Variants in TMEM117 observed in about 807,000 individuals in gnomAD.
TMEM117 encodes the protein transmembrane protein 117.
In TMEM117, 27 loss-of-function variants were observed where a neutral mutation model predicts 52.4. The ratio of observed to expected loss-of-function variants is 0.51; its 90% CI spans 0.38 to 0.71. The LOEUF (loss-of-function observed/expected upper bound fraction) is 0.71, where lower values mean the gene tolerates loss of function less well. Among genes scored for constraint, TMEM117 ranks in the 30% least tolerant of loss-of-function variants. The pLI, the probability that TMEM117 is intolerant of heterozygous loss-of-function variation, is 0.00. For synonymous variants in TMEM117, 215 were observed against 206.3 expected, an observed-to-expected ratio of 1.04 and a Z score of -0.36; for missense variants, 556 against 630.5, an observed-to-expected ratio of 0.88 and a Z score of 1.26.
chr12:44,160,281 GTA>G (rs200360526), intron 4 of TMEM117, among the ~76,000 whole-genome samples: 2 of 151,404 alleles, frequency 1.3e-5, no homozygotes, highest in South Asian at 2.1e-4. Flanking sequence ...ATACACATAT[GTA>G]TATATATATA....
At chr12:44,029,561 G>A (rs1404354664) in intron 3 of TMEM117, among the ~76,000 whole-genome samples, 1 of 152,112 alleles carries the variant, frequency 6.6e-6, no homozygotes, top group Non-Finnish European at 1.5e-5. Flanking sequence ...GTCTTTCTTT[G>A]GCCTCCCTGA....
chr12:44,336,803 C>T (rs1951347440), intron 6 of TMEM117, among the ~76,000 whole-genome samples: 1 of 151,838 alleles, frequency 6.6e-6, no homozygotes, highest in African/African-American at 2.4e-5. Context: ...TCTTCCTTTC[C>T]CTTTTCTCCA....
the TMEM117 span, chr12:43,806,469 T>G: frequency 1.1e-6 from 1 of 929,626 alleles, no homozygotes; most frequent in Non-Finnish European, 1.3e-6. Context: ...GCTATCCTAG[T>G]TCTCTGCTTG....
intron 5 of TMEM117, among the ~76,000 whole-genome samples, chr12:44,254,842 T>G (rs913950758): frequency 2.6e-5 from 4 of 151,758 alleles, no homozygotes; most frequent in African/African-American, 9.7e-5. Context: ...CGGAGTGTGA[T>G]GTTCCCCTTC....
chr12:43,835,363 T>C (rs1943009823), upstream of TMEM117, among the ~76,000 whole-genome samples: 1 of 152,280 alleles, frequency 6.6e-6, no homozygotes, highest in East Asian at 1.9e-4. Context: ...TGAGTATGTG[T>C]GCTGATGTAC....
At chr12:43,811,665 G>A in the TMEM117 span, among the ~76,000 whole-genome samples, 72 of 152,328 alleles carry the variant, frequency 4.7e-4, 1 homozygote, top group South Asian at 1.9e-3. Flanking sequence ...CAGGGATGCT[G>A]TGTTACCAAA....
chr12:43,882,615 AG>A (rs1943917927), intron 2 of TMEM117, among the ~76,000 whole-genome samples: 1 of 152,196 alleles, frequency 6.6e-6, no homozygotes, highest in South Asian at 2.1e-4. Flanking sequence ...TTTCATTAGA[AG>A]TACCTGAAGA....
intron 3 of TMEM117, among the ~76,000 whole-genome samples, chr12:44,041,487 C>T (rs774983209): frequency 3.4e-4 from 52 of 151,992 alleles, no homozygotes; most frequent in Non-Finnish European, 6.9e-4. Flanking sequence ...TTCCTTCCAA[C>T]TTTTATTTTA....
intron 6 of TMEM117, among the ~76,000 whole-genome samples, chr12:44,358,992 G>T (rs1190878348): frequency 6.6e-6 from 1 of 152,166 alleles, no homozygotes; most frequent in Non-Finnish European, 1.5e-5. Context: ...ATAAAGTGCT[G>T]TGTGGACATT....
intron 3 of TMEM117, among the ~76,000 whole-genome samples, chr12:44,032,819 C>T (rs9919678): frequency 6.6e-6 from 1 of 152,110 alleles, no homozygotes; most frequent in African/African-American, 2.4e-5. Flanking sequence ...TATCATTGCC[C>T]CTATTCAGCC....
At position 43,956,306 on chromosome 12, in the gene TMEM117, C is replaced by T. The variant is rs1945304460; in HGVS notation, c.410+11964C>T. ...AATTGACAAATGGCGTCTAATTAAA[C>T]TAAAGAGCTTCTGCACAGTGAATGA... On this transcript the variant is annotated intron_variant, in intron 3 of 7. Transcript: ENST00000266534. 1.3e-5 allele frequency among the ~76,000 whole-genome samples: 2 copies of T among 152,032 alleles called. 1 individual carries two copies. The highest frequency in any genetic ancestry group is 1.3e-4 in the Admixed American group (2 of 15,260).
intron 3 of TMEM117, among the ~76,000 whole-genome samples, chr12:44,136,394 T>G (rs1163958657): frequency 6.6e-6 from 1 of 152,104 alleles, no homozygotes; most frequent in Non-Finnish European, 1.5e-5. Context: ...AGAAAAGAAT[T>G]AAACTATGAA....
chr12:43,827,444 T>C, the TMEM117 span, among the ~76,000 whole-genome samples: 1 of 152,156 alleles, frequency 6.6e-6, no homozygotes, highest in African/African-American at 2.4e-5. Context: ...TGCAATACTT[T>C]GGCATTCAGA....
At chr12:44,363,769 A>G (rs1230844939) in intron 6 of TMEM117, among the ~76,000 whole-genome samples, 2 of 152,232 alleles carry the variant, frequency 1.3e-5, no homozygotes, top group African/African-American at 2.4e-5. Flanking sequence ...ATTGAAAGGC[A>G]GATGATAAAT....
At chr12:44,385,924 T>A (rs897830374) in intron 7 of TMEM117, among the ~76,000 whole-genome samples, 2 of 152,148 alleles carry the variant, frequency 1.3e-5, no homozygotes, top group Non-Finnish European at 2.9e-5. Context: ...TTCCATGTTA[T>A]CTCATCTTTT....
intron 2 of TMEM117, among the ~76,000 whole-genome samples, chr12:43,845,959 C>T (rs942986379): frequency 1.3e-5 from 2 of 152,058 alleles, no homozygotes; most frequent in African/African-American, 2.4e-5. Flanking sequence ...ATAGCTTTTC[C>T]CCTCATAAAT....
the TMEM117 span, among the ~76,000 whole-genome samples, chr12:43,827,293 TG>T: frequency 6.6e-6 from 1 of 152,180 alleles, no homozygotes; most frequent in Non-Finnish European, 1.5e-5. Context: ...ATTTACTGTC[TG>T]TTCACTCATT....
In TMEM117 at chr12:43,990,520, G is replaced by T. The variant is rs11182365; in HGVS notation, c.410+46178G>T. Reference sequence around the variant, plus strand: ...TGTTTTCATACCTCACACCGTAAAAGATTTTTTATATAACTTATGATATCA... The same window carrying T: ...TGTTTTCATACCTCACACCGTAAAATATTTTTTATATAACTTATGATATCA... On this transcript the variant is annotated intron_variant, in intron 3 of 7. Coordinates refer to ENST00000266534, the MANE Select transcript of TMEM117 (RefSeq NM_032256.3). 1.4e-3 allele frequency among the ~76,000 whole-genome samples: 211 copies of T among 152,212 alleles called. 3 individuals are homozygous for T. In the East Asian group the frequency reaches 0.024, roughly 17 times the overall value.
rs1277334712 is a variant in TMEM117 at position 44,143,615 on chromosome 12, A to T, written c.501A>T (p.Thr167=). The change falls in exon 4 of 8, where the codon ACA becomes ACT. Residue 167 remains threonine, a synonymous_variant. Transcript: ENST00000266534. ...AVGTWMGDFV[T]AWMVTDMMLQ... ...GGACCTGGATGGGGGACTTTGTCAC[A>T]GCTTGGATGGTAAGAAAATTTTAAC... 1.9e-6 allele frequency: 3 copies of T among 1,612,402 alleles called. No homozygotes were observed. Among genetic ancestry groups the T allele is most frequent in the Non-Finnish European group, 2.5e-6 (3 of 1,179,392 alleles).
Sources: gnomAD v4.1 joint callset for allele counts (sites outside exome capture counted in the v4.1 genomes callset) on GRCh38, gnomAD v4.1.1 for gene constraint, MANE v1.5 for transcripts, NCBI Gene and HGNC (gene_info 2026-07-23, HGNC 2026-07-21) for gene names.